The following ANTXR1 variants were observed in gnomAD, a reference collection of about 807,000 sequenced individuals.
ANTXR1 encodes the protein anthrax toxin receptor 1.
Under a neutral mutation model 78.1 loss-of-function variants are expected in ANTXR1, and 19 were observed. That is an observed-to-expected ratio of 0.24 (90% CI 0.17 to 0.36). ANTXR1 has a LOEUF of 0.36. ANTXR1 is among the 10% of genes least tolerant of loss of function. The pLI is 1.00. For missense variants in ANTXR1, 518 were observed against 718.6 expected (o/e 0.72, Z 3.19); for synonymous variants, 273 against 260.5 (o/e 1.05, Z -0.46).
intron 17 of ANTXR1, among the ~76,000 whole-genome samples, chr2:69,239,618 G>A (rs575861079): frequency 8.5e-5 from 13 of 152,292 alleles, no homozygotes; most frequent in East Asian, 3.9e-4. Flanking sequence ...TCATCTAGCC[G>A]GTACAACTTA....
intron 17 of ANTXR1, among the ~76,000 whole-genome samples, chr2:69,202,787 C>G: frequency 6.6e-6 from 1 of 152,148 alleles, no homozygotes. Context: ...ACAGCCACAC[C>G]TTGGGAACCC....
chr2:69,017,989 T>C (rs1365307420), intron 1 of ANTXR1, among the ~76,000 whole-genome samples: 1 of 152,152 alleles, frequency 6.6e-6, no homozygotes, highest in African/African-American at 2.4e-5. Context: ...TGAATGGAGA[T>C]AGTGGATTCT....
chr2:69,095,710 G>A (rs1416394807), intron 9 of ANTXR1, among the ~76,000 whole-genome samples: 1 of 152,202 alleles, frequency 6.6e-6, no homozygotes, highest in Non-Finnish European at 1.5e-5. Context: ...GATGGTCTGA[G>A]CTCTCCCCCC....
At chr2:69,051,389 A>C (rs1425929106) in intron 3 of ANTXR1, among the ~76,000 whole-genome samples, 1 of 152,044 alleles carries the variant, frequency 6.6e-6, no homozygotes, top group East Asian at 1.9e-4. Flanking sequence ...ATACATTTTG[A>C]CATGTCCTGT....
rs1249602928 is a variant in ANTXR1, at chr2:69,247,633, C to T, written c.*2148C>T. On this transcript the variant is annotated 3_prime_UTR_variant, in exon 18 of 18. Coordinates refer to ENST00000303714, the MANE Select transcript of ANTXR1 (RefSeq NM_032208.3). ...CCACCTGCAGTGACATTGCTGGACC[C>T]CTGAAAACCATTCCATAGGAGAATG... 2 of 152,684 alleles carry T rather than the reference C, an allele frequency of 1.3e-5. No individual in the cohort carries two copies. The highest frequency in any genetic ancestry group is 4.8e-5 in the African/African-American group (2 of 41,442). 9.5% of individuals were successfully genotyped at this position (152,684 alleles called of 1,614,324 possible). A position where few individuals can be genotyped will look rare whatever the true frequency, so the allele number is the denominator to read the frequency against.
chr2:69,103,373 G>T, intron 10 of ANTXR1: 2 of 268,466 alleles, frequency 7.4e-6, no homozygotes, highest in Non-Finnish European at 7.3e-6. Context: ...ACTCTTAAGG[G>T]TAAGTGTGAA....
intron 14 of ANTXR1, among the ~76,000 whole-genome samples, chr2:69,178,023 G>A (rs898568096): frequency 6.6e-6 from 1 of 152,194 alleles, no homozygotes; most frequent in African/African-American, 2.4e-5. Context: ...AGCTCACACT[G>A]AGGATTTCTA....
At chr2:69,072,999 C>A (rs1277941666) in intron 5 of ANTXR1, 23 bp from the exon 6 acceptor site, 3 of 1,611,348 alleles carry the variant, frequency 1.9e-6, no homozygotes, top group Middle Eastern at 1.7e-4. Context: ...GTGGACTGAG[C>A]CAGTCTGTAT....
chr2:69,158,121 G>C (rs1001551347), intron 13 of ANTXR1, among the ~76,000 whole-genome samples: 1 of 152,186 alleles, frequency 6.6e-6, no homozygotes, highest in Non-Finnish European at 1.5e-5. Context: ...GCTGTTGGAA[G>C]CCAAGGCTGT....
chr2:69,102,900 G>T lies in ANTXR1; in HGVS notation c.762G>T (p.Arg254Ser). The change falls in exon 10 of 18, where the codon AGG (arginine) becomes AGT (serine). Residue 254 changes from arginine to serine, a missense_variant. Physicochemically the swap from Arg to Ser is moderately radical, Grantham distance 110. Transcript: ENST00000303714. ...NGFRHARNVD[R>S]VLCSFKINDS... ...TCCGACATGCCCGCAACGTGGACAG[G>T]GTCCTCTGCAGCTTCAAGATCAATG... is the stretch of plus-strand genomic sequence containing the variant. 1 of 1,614,074 alleles carries T rather than the reference G, an allele frequency of 6.2e-7. No individual in the cohort carries two copies. The highest frequency in any genetic ancestry group is 8.5e-7 in the Non-Finnish European group (1 of 1,180,024).
intron 13 of ANTXR1, among the ~76,000 whole-genome samples, chr2:69,154,078 T>C (rs1366512968): frequency 6.6e-6 from 1 of 152,262 alleles, no homozygotes; most frequent in African/African-American, 2.4e-5. Context: ...TGATACTGGA[T>C]GGCATTCAGT....
intron 14 of ANTXR1, among the ~76,000 whole-genome samples, chr2:69,179,570 C>A (rs929701173): frequency 6.6e-6 from 1 of 150,848 alleles, no homozygotes; most frequent in South Asian, 2.1e-4. Flanking sequence ...AAGGAGAAGT[C>A]AAAAATGAGC....
chr2:69,030,688 A>C (rs905678808), intron 1 of ANTXR1, among the ~76,000 whole-genome samples: 1 of 152,182 alleles, frequency 6.6e-6, no homozygotes, highest in African/African-American at 2.4e-5. Flanking sequence ...CCCTACAGAG[A>C]ATAAACTTTC....
intron 8 of ANTXR1, among the ~76,000 whole-genome samples, chr2:69,081,673 A>C (rs1670905489): frequency 6.6e-6 from 1 of 152,256 alleles, no homozygotes; most frequent in African/African-American, 2.4e-5. Context: ...TGAAGCTCAG[A>C]TAACCTGCCC....
At chr2:69,199,379 C>T (rs1225352837) in intron 17 of ANTXR1, among the ~76,000 whole-genome samples, 2 of 152,144 alleles carry the variant, frequency 1.3e-5, no homozygotes, top group Non-Finnish European at 2.9e-5. Context: ...AGTCTGGGGT[C>T]CTAGGCAATA....
chr2:69,151,186 CTT>C (rs59147668), intron 12 of ANTXR1, among the ~76,000 whole-genome samples: 3 of 82,570 alleles, frequency 3.6e-5, no homozygotes, highest in South Asian at 9.0e-4. Flanking sequence ...TGATTATTTT[CTT>C]TTTTTTTTTT....
intron 17 of ANTXR1, among the ~76,000 whole-genome samples, chr2:69,220,362 A>T (rs1675289412): frequency 6.6e-6 from 1 of 152,192 alleles, no homozygotes; most frequent in African/African-American, 2.4e-5. Flanking sequence ...CAGTTGTAGT[A>T]TCTTTCTCTT....
At chr2:69,184,117 T>C (rs771284821) in intron 16 of ANTXR1, among the ~76,000 whole-genome samples, 9 of 152,196 alleles carry the variant, frequency 5.9e-5, no homozygotes, top group Non-Finnish European at 7.4e-5. Context: ...ACAAAGATTA[T>C]TTTCATCATT....
chr2:69,242,766 CA>C (rs1394714273), intron 17 of ANTXR1, among the ~76,000 whole-genome samples: 3 of 152,230 alleles, frequency 2.0e-5, no homozygotes, highest in Non-Finnish European at 4.4e-5. Context: ...GGGAATTCAT[CA>C]CAGATGGTAA....
Sources: gnomAD v4.1 joint callset for allele counts (sites outside exome capture counted in the v4.1 genomes callset) on GRCh38, gnomAD v4.1.1 for gene constraint, MANE v1.5 for transcripts, NCBI Gene and HGNC (gene_info 2026-07-23, HGNC 2026-07-21) for gene names.